Variants in RECQL5 observed in about 807,000 individuals in gnomAD.
RECQL5 encodes the protein ATP-dependent DNA helicase Q5.
A neutral mutation model predicts 103.4 loss-of-function variants in RECQL5; 88 were observed. The ratio of observed to expected loss-of-function variants is 0.85; its 90% confidence interval spans 0.72 to 1.02. RECQL5 has a LOEUF of 1.02. Ranked by LOEUF, RECQL5 falls within the 50% of genes least tolerant of loss-of-function variation. The pLI, the probability that RECQL5 is intolerant of heterozygous loss-of-function variation, is 0.00. For missense variants in RECQL5, 1,232 were observed against 1,284.3 expected (o/e 0.96, Z 0.62); for synonymous variants, 552 against 507.9 (o/e 1.09, Z -1.17).
At chr17:75,653,198 CAGCTCCAGGCCTTCCCACCAGG>C (rs2059576802) in intron 7 of RECQL5, among the ~76,000 whole-genome samples, 1 of 152,240 alleles carries the variant, frequency 6.6e-6, no homozygotes, top group Non-Finnish European at 1.5e-5. Context: ...TGAGCAACAA[CAGCTCCAGGCCTTCCCACCAGG>C]AAGACCTCTG....
intron 7 of RECQL5, among the ~76,000 whole-genome samples, chr17:75,653,671 G>A (rs1428280272): frequency 6.6e-6 from 1 of 152,198 alleles, no homozygotes; most frequent in African/African-American, 2.4e-5. Context: ...GGCTGAGGTA[G>A]GTGGATCACT....
chr17:75,640,286 C>G lies in RECQL5; in HGVS notation c.1230-8618G>C. 1 of 1,551,264 alleles carries G rather than the reference C, an allele frequency of 6.4e-7. No homozygotes were observed. The highest frequency in any genetic ancestry group is 2.0e-5 in the Admixed American group (1 of 50,928). On this transcript the variant is annotated intron_variant, in intron 8 of 19. Coordinates refer to ENST00000317905, the MANE Select transcript of RECQL5 (RefSeq NM_004259.7). The surrounding 1 kb of genome is among the most constrained non-coding windows in gnomAD (Gnocchi z 4.6). ...GCTGCAGAGACTGCCCCAGGCTGAG[C>G]CCGTGGAGATCGTGGCCTTCTCAGT...
At chr17:75,629,868 G>A (rs1216362417) in intron 14 of RECQL5, 26 bp from the exon 15 acceptor site, 2 of 1,557,588 alleles carry the variant, frequency 1.3e-6, no homozygotes, top group Non-Finnish European at 8.7e-7. Context: ...CAGGGAGGCT[G>A]TGGCACCCGC....
At chr17:75,629,542 G>A (rs2059167175) in intron 15 of RECQL5, 67 bp from the exon 16 acceptor site, 1 of 1,499,118 alleles carries the variant, frequency 6.7e-7, no homozygotes. Context: ...CCGCTGGCTG[G>A]AGCAGTAACT....
intron 7 of RECQL5, 107 bp downstream of exon 7, chr17:75,658,191 G>A (rs949622645): frequency 1.6e-6 from 2 of 1,250,696 alleles, no homozygotes; most frequent in East Asian, 2.5e-5. Context: ...CAGGTTGGGA[G>A]CAGCCTCCTC....
chr17:75,635,767 G>A (rs2059309913), intron 8 of RECQL5: 1 of 984,274 alleles, frequency 1.0e-6, no homozygotes, highest in African/African-American at 1.7e-5. Flanking sequence ...ACAGGGCAGA[G>A]CAAGCAGCCC....
chr17:75,627,362 C>A lies in RECQL5; in HGVS notation c.*60G>T, dbSNP rs2059114770. On this transcript the variant is annotated 3_prime_UTR_variant, in exon 20 of 20. Transcript: ENST00000317905. Reference sequence around the variant, plus strand: ...TGGCCCTGGCATCAGCAGGTGAGGCCCAGGATGACCCATGCTAGAATCTGG... The same window carrying A: ...TGGCCCTGGCATCAGCAGGTGAGGCACAGGATGACCCATGCTAGAATCTGG... The A allele has an allele frequency of 7.7e-6, 10 of 1,291,350 alleles. No homozygotes were observed. Among genetic ancestry groups the A allele is most frequent in the Non-Finnish European group, 1.1e-5 (10 of 891,318 alleles). The allele number at this position is 1,291,350 out of a possible 1,614,324, so 80.0% of individuals were successfully genotyped here.
chr17:75,628,857 A>C (rs777128741), intron 16 of RECQL5, 77 bp downstream of exon 16: 2 of 1,588,196 alleles, frequency 1.3e-6, no homozygotes, highest in African/African-American at 1.4e-5. Flanking sequence ...GTGAGCTCTG[A>C]GCTTCAGACG....
intron 4 of RECQL5, 60 bp from the exon 5 acceptor site, chr17:75,661,768 G>GT: frequency 8.0e-7 from 1 of 1,242,698 alleles, no homozygotes; most frequent in Non-Finnish European, 1.2e-6. Flanking sequence ...TAGGCCCAGT[G>GT]TAATGCACCC....
intron 11 of RECQL5, 66 bp downstream of exon 11, chr17:75,630,908 G>A (rs1304925992): frequency 6.3e-7 from 1 of 1,591,884 alleles, no homozygotes; most frequent in Non-Finnish European, 8.6e-7. Flanking sequence ...CCACAGCCCG[G>A]ATGAGAATCC....
rs182279805 is a variant in RECQL5 at position 75,647,562 on chromosome 17, G to A, written c.1229+3624C>T. On this transcript the variant is annotated intron_variant, in intron 8 of 19. Transcript: ENST00000317905. ...CTCAGTGTGAAGCGGGTGAAGAGGA[G>A]TGACCTGACTTGCTGGGGACTGAGA... The A allele has an allele frequency of 2.7e-5, 42 of 1,550,066 alleles. No homozygotes were observed. In the Admixed American group the frequency reaches 4.9e-4, roughly 18 times the overall value.
At position 75,658,426 on chromosome 17, in the gene RECQL5, C is replaced by T. The variant is rs765553954; in HGVS notation, c.1021G>A (p.Ala341Thr). The change falls in exon 7 of 20, where the codon GCT becomes ACT. Residue 341 changes from alanine (A) to threonine (T), a missense_variant. Coordinates refer to ENST00000317905, the MANE Select transcript of RECQL5 (RefSeq NM_004259.7). ...CGGCCAGACTCCTGGTAGTACCCAG[C>T]CATAGACTTGGCAATATTCCAATGG... is the stretch of plus-strand genomic sequence containing the variant. The part of the protein sequence containing the change: ...VAHWNIAKSM[A>T]GYYQESGRAG... The T allele has an allele frequency of 6.2e-7, 1 of 1,613,918 alleles. No individual in the cohort carries two copies. The highest frequency in any genetic ancestry group is 1.1e-5 in the South Asian group (1 of 91,066).
intron 7 of RECQL5, among the ~76,000 whole-genome samples, chr17:75,658,049 AAAAAAAG>A (rs2059649964): frequency 6.6e-6 from 1 of 152,120 alleles, no homozygotes; most frequent in South Asian, 2.1e-4. Flanking sequence ...CTCTGTCTCA[AAAAAAAG>A]AAAAAAGAAA....
intron 7 of RECQL5, among the ~76,000 whole-genome samples, chr17:75,656,006 G>A (rs1420794708): frequency 3.9e-5 from 6 of 151,966 alleles, no homozygotes; most frequent in East Asian, 2.0e-4. Flanking sequence ...CTCTTGGTGA[G>A]ATTTTAGTTT....
rs935979660 is a variant in RECQL5 at position 75,630,387 on chromosome 17, C to T, written c.1719-110G>A. 3 of 1,031,642 alleles carry T rather than the reference C, an allele frequency of 2.9e-6. No homozygotes were observed. In the Admixed American group the frequency reaches 7.9e-5, roughly 27 times the overall value. 63.9% of individuals were successfully genotyped at this position (1,031,642 alleles called of 1,614,324 possible). On this transcript the variant is annotated intron_variant, in intron 13 of 19. Coordinates refer to ENST00000317905, the MANE Select transcript of RECQL5 (RefSeq NM_004259.7). The stretch of plus-strand genomic sequence containing the variant: ...GGGGTAGGCCTTGGGCACAGGGATT[C>T]TGATTAGGGCTCTCTGAGCACCCTG...
At chr17:75,665,219 A>G (rs372587665) in intron 2 of RECQL5, 47 bp from the exon 3 acceptor site, 1 of 1,556,306 alleles carries the variant, frequency 6.4e-7, no homozygotes, top group Non-Finnish European at 8.8e-7. Context: ...CTGCCTTTTC[A>G]TTGAAGTTGT....
At position 75,628,408 on chromosome 17, in the gene RECQL5, C is replaced by A; in HGVS notation, c.2615G>T (p.Arg872Leu). ...NPESQPQKRP[R>L]PSAKPSVVAE... ...TACGACGGAGGGCTTGGCTGAGGGG[C>A]GTGGCCTCTTCTGAGGCTGGCTCTC... is the stretch of plus-strand genomic sequence containing the variant. Residue 872 changes from arginine to leucine, a missense_variant, in exon 18 of 20, where the codon CGC becomes CTC. By Grantham distance (102) the Arg-to-Leu change is moderately radical. Coordinates refer to ENST00000317905, the MANE Select transcript of RECQL5 (RefSeq NM_004259.7). 6.2e-7 allele frequency: 1 copy of A among 1,613,784 alleles called. No homozygotes were observed. Among genetic ancestry groups the A allele is most frequent in the South Asian group, 1.1e-5 (1 of 91,078 alleles).
chr17:75,641,077 A>G lies in RECQL5; in HGVS notation c.1230-9409T>C, dbSNP rs2059427950. On this transcript the variant is annotated intron_variant, in intron 8 of 19. Transcript: ENST00000317905. ...CCCTACCAAGGAAACAAGGGCTGGT[A>G]TAGGTGCAAACCTCTCATCTGCCAG... 6.9e-6 allele frequency: 8 copies of G among 1,159,018 alleles called. No homozygotes were observed. The South Asian group carries it at 1.1e-4, about 17-fold the overall frequency. 71.8% of individuals were successfully genotyped at this position (1,159,018 alleles called of 1,614,324 possible). A position where few individuals can be genotyped will look rare whatever the true frequency, so the allele number is the denominator to read the frequency against.
At chr17:75,637,485 G>A (rs933613599) in intron 8 of RECQL5, 1 of 152,246 alleles carries the variant, frequency 6.6e-6, no homozygotes, top group Admixed American at 6.6e-5. Flanking sequence ...GGATGGCACG[G>A]AGGTCCCGGA....
Sources: allele counts gnomAD v4.1 joint callset (sites outside exome capture counted in the v4.1 genomes callset), GRCh38; gene constraint gnomAD v4.1.1; non-coding constraint Gnocchi (gnomAD v3.1); transcripts MANE v1.5; gene names NCBI Gene and HGNC (gene_info 2026-07-23, HGNC 2026-07-21).